Variants in NCKAP1L observed in about 807,000 individuals in gnomAD.
NCKAP1L encodes nck-associated protein 1-like.
In NCKAP1L, 53 loss-of-function variants were observed where a neutral mutation model predicts 139.2. The ratio of observed to expected loss-of-function variants is 0.38; its 90% CI spans 0.31 to 0.48. The LOEUF is 0.48. NCKAP1L is among the 20% of genes least tolerant of loss of function. The pLI is 0.98. For missense variants in NCKAP1L, 1,151 were observed against 1,381.9 expected (o/e 0.83, Z 2.65); for synonymous variants, 468 against 499.7 (o/e 0.94, Z 0.85).
rs1365412129 is a variant in NCKAP1L at position 54,498,025 on chromosome 12, C to CA, written c.102+135dup. 4 of 610,388 alleles carry CA rather than the reference C, an allele frequency of 6.6e-6. No homozygotes were observed. In the African/African-American group the frequency reaches 7.3e-5, roughly 11 times the overall value. The allele number at this position is 610,388 out of a possible 1,614,324, so 37.8% of individuals were successfully genotyped here. A position where few individuals can be genotyped will look rare whatever the true frequency, so the allele number is the denominator to read the frequency against. On this transcript the variant is annotated intron_variant, in intron 1 of 30. Transcript: ENST00000293373. ...TTCCACTGACTATAATCTACATAAT[C>CA]ACTCAGATTATACAGGCCAGCCAGT...
intron 13 of NCKAP1L, among the ~76,000 whole-genome samples, chr12:54,518,423 C>A (rs1956951800): frequency 6.6e-6 from 1 of 151,872 alleles, no homozygotes; most frequent in African/African-American, 2.4e-5. Context: ...TCTTTTTTTC[C>A]CCACTAAGTG....
At chr12:54,537,273 T>C (rs577965882) in intron 29 of NCKAP1L, among the ~76,000 whole-genome samples, 3 of 152,322 alleles carry the variant, frequency 2.0e-5, no homozygotes, top group Non-Finnish European at 4.4e-5. Context: ...GGAAAGATCA[T>C]TGGACAAAGA....
chr12:54,531,670 G>A lies in NCKAP1L; in HGVS notation c.2699-73G>A, dbSNP rs560885521. The A allele has an allele frequency of 7.5e-5, 120 of 1,597,854 alleles. 1 individual carries two copies. The highest frequency in any genetic ancestry group is 9.3e-5 in the Non-Finnish European group (109 of 1,165,896). Reference sequence around the variant, plus strand: ...GTTTTCAGGAATCTGGAGGCTAGGCGGGGTCTGTAGAATCAAAATCATCAC... The same window carrying A: ...GTTTTCAGGAATCTGGAGGCTAGGCAGGGTCTGTAGAATCAAAATCATCAC... On this transcript the variant is annotated intron_variant, in intron 24 of 30. Coordinates refer to ENST00000293373, the MANE Select transcript of NCKAP1L (RefSeq NM_005337.5).
At chr12:54,539,793 A>G (rs1957143147) in intron 30 of NCKAP1L, among the ~76,000 whole-genome samples, 1 of 152,150 alleles carries the variant, frequency 6.6e-6, no homozygotes, top group South Asian at 2.1e-4. Flanking sequence ...CTTGAGGCCC[A>G]TACGAGAGAT....
intron 18 of NCKAP1L, among the ~76,000 whole-genome samples, chr12:54,521,886 ATGTGTGTGTG>A (rs34410189): frequency 4.1e-5 from 6 of 147,210 alleles, no homozygotes; most frequent in Non-Finnish European, 9.0e-5. Context: ...GAGTGTGTGT[ATGTGTGTGTG>A]TGTGTGTGTG....
At position 54,513,968 on chromosome 12, in the gene NCKAP1L, A is replaced by ATGTGTGTG. The variant is rs61519403; in HGVS notation, c.941+1889_941+1896dup. On this transcript the variant is annotated intron_variant, in intron 9 of 30. Coordinates refer to ENST00000293373, the MANE Select transcript of NCKAP1L (RefSeq NM_005337.5). ...GAATAGTTTGATGTGCATCCTTCAG[A>ATGTGTGTG]TGTGTGTGTGTGTGTGTGTGTGTGT... 6.2e-3 allele frequency among the ~76,000 whole-genome samples: 918 copies of ATGTGTGTG among 148,794 alleles called. 6 individuals are homozygous for ATGTGTGTG. Among genetic ancestry groups the ATGTGTGTG allele is most frequent in the East Asian group, 0.019 (96 of 4,990 alleles).
chr12:54,523,951 C>T lies in NCKAP1L; in HGVS notation c.2151C>T (p.Leu717=). The change falls in exon 20 of 31, where the codon CTC becomes CTT. Residue 717 remains leucine (L), a synonymous_variant. Transcript: ENST00000293373. ...TCAGCAGCCACCTGGAGGCCAGACT[C>T]AACAGGTATCACTCTTTCCTTGTCC... The part of the protein sequence containing the change: ...EYLSSHLEAR[L]NRAIVWLAGY... 1.2e-6 allele frequency: 2 copies of T among 1,613,540 alleles called. No individual in the cohort carries two copies. Among genetic ancestry groups the T allele is most frequent in the Non-Finnish European group, 1.7e-6 (2 of 1,179,702 alleles).
At chr12:54,502,501 T>A (rs1037331983) in intron 3 of NCKAP1L, among the ~76,000 whole-genome samples, 2 of 152,194 alleles carry the variant, frequency 1.3e-5, no homozygotes, top group African/African-American at 4.8e-5. Context: ...CCACATTTTC[T>A]TATCCTTCTC....
chr12:54,528,601 C>T (rs1207686141), intron 22 of NCKAP1L, among the ~76,000 whole-genome samples: 1 of 151,634 alleles, frequency 6.6e-6, no homozygotes, highest in Non-Finnish European at 1.5e-5. Flanking sequence ...TAGTGGTCTG[C>T]TGTCATGGCA....
intron 9 of NCKAP1L, among the ~76,000 whole-genome samples, chr12:54,513,807 A>T (rs1956907360): frequency 6.6e-6 from 1 of 152,210 alleles, no homozygotes; most frequent in South Asian, 2.1e-4. Context: ...AAAGGGAAGA[A>T]TAGAGAGAGG....
chr12:54,514,161 C>G (rs1956911649), intron 9 of NCKAP1L, among the ~76,000 whole-genome samples: 1 of 151,990 alleles, frequency 6.6e-6, no homozygotes, highest in African/African-American at 2.4e-5. Context: ...TTATTTTTAA[C>G]AGTTGAATAA....
At chr12:54,540,601 G>A (rs948152885) in intron 30 of NCKAP1L, among the ~76,000 whole-genome samples, 2 of 152,186 alleles carry the variant, frequency 1.3e-5, no homozygotes, top group African/African-American at 2.4e-5. Flanking sequence ...GGTATTATGC[G>A]TGAAAGTGCC....
chr12:54,513,578 G>A (rs1257212089), intron 9 of NCKAP1L, among the ~76,000 whole-genome samples: 2 of 152,190 alleles, frequency 1.3e-5, no homozygotes, highest in Non-Finnish European at 2.9e-5. Flanking sequence ...AACAAAGAAA[G>A]CATTCCTAGA....
chr12:54,505,952 G>A (rs894465361), intron 3 of NCKAP1L, among the ~76,000 whole-genome samples: 2 of 152,176 alleles, frequency 1.3e-5, no homozygotes, highest in South Asian at 2.1e-4. Context: ...GGGAGCCACG[G>A]CACCCGGCCT....
chr12:54,501,909 GT>G (rs1202972894), intron 3 of NCKAP1L, among the ~76,000 whole-genome samples: 3 of 152,036 alleles, frequency 2.0e-5, no homozygotes, highest in Non-Finnish European at 4.4e-5. Context: ...TTGTTATTTC[GT>G]TTTTTTGACA....
chr12:54,513,936 C>T (rs1956908429), intron 9 of NCKAP1L, among the ~76,000 whole-genome samples: 1 of 151,524 alleles, frequency 6.6e-6, no homozygotes, highest in African/African-American at 2.4e-5. Context: ...TACACTATCA[C>T]CTCCCAGAAT....
rs1956855411 is a variant in NCKAP1L, at chr12:54,507,888, C to T, written c.342C>T (p.Ala114=). ...HVYELLNTID[A]CQCHFDINLN... ...ATGAACTTCTCAACACCATTGATGCCTGCCAGTGCCATTTTGATATCGTAA... is the reference window on the plus strand; with the variant it reads ...ATGAACTTCTCAACACCATTGATGCTTGCCAGTGCCATTTTGATATCGTAA... Residue 114 remains alanine (A), a synonymous_variant, in exon 4 of 31, where the codon GCC becomes GCT. Transcript: ENST00000293373. 5 of 1,614,016 alleles carry T rather than the reference C, an allele frequency of 3.1e-6. No individual in the cohort carries two copies. Among genetic ancestry groups the T allele is most frequent in the Non-Finnish European group, 3.4e-6 (4 of 1,179,926 alleles).
chr12:54,547,427 T>G lies in NCKAP1L; in HGVS notation c.*4742T>G, dbSNP rs952529346. ...TCAAACTGTGTTGTCTATGAAGTTT[T>G]CCCATTTATTAAATGAAGGGAATTA... On this transcript the variant is annotated 3_prime_UTR_variant, in exon 31 of 31. Coordinates refer to ENST00000293373, the MANE Select transcript of NCKAP1L (RefSeq NM_005337.5). 6.6e-6 allele frequency: 1 copy of G among 152,132 alleles called. No homozygotes were observed. The highest frequency in any genetic ancestry group is 1.5e-5 in the Non-Finnish European group (1 of 68,026). 9.4% of individuals were successfully genotyped at this position (152,132 alleles called of 1,614,324 possible).
At position 54,546,471 on chromosome 12, in the gene NCKAP1L, A is replaced by T. The variant is rs989460330; in HGVS notation, c.*3786A>T. The T allele has an allele frequency of 2.0e-5, 3 of 152,022 alleles. No individual in the cohort carries two copies. The highest frequency in any genetic ancestry group is 4.4e-5 in the Non-Finnish European group (3 of 68,072). 9.4% of individuals were successfully genotyped at this position (152,022 alleles called of 1,614,324 possible). A position where few individuals can be genotyped will look rare whatever the true frequency, so the allele number is the denominator to read the frequency against. ...GAACAACTGTGCTGTGAATACCAGG[A>T]TCCAGGAGGGAGGGAGGGTATATCT... On this transcript the variant is annotated 3_prime_UTR_variant, in exon 31 of 31. Transcript: ENST00000293373.
Sources: gnomAD v4.1 joint callset for allele counts (sites outside exome capture counted in the v4.1 genomes callset) on GRCh38, gnomAD v4.1.1 for gene constraint, MANE v1.5 for transcripts, NCBI Gene and HGNC (gene_info 2026-07-23, HGNC 2026-07-21) for gene names.